The following ATP13A4 variants were observed in gnomAD, a reference collection of about 807,000 sequenced individuals.
ATP13A4 encodes the protein ATPase 13A4.
A neutral mutation model predicts 142.5 loss-of-function variants in ATP13A4; 114 were observed. The ratio of observed to expected loss-of-function variants is 0.80; its 90% CI spans 0.69 to 0.93. ATP13A4 has a LOEUF of 0.93. ATP13A4 is among the 40% of genes least tolerant of loss of function. The pLI is 0.00. For synonymous variants in ATP13A4, 488 were observed against 514.8 expected, an observed-to-expected ratio of 0.95 and a Z score of 0.70; for missense variants, 1,392 against 1,454.0, an observed-to-expected ratio of 0.96 and a Z score of 0.69.
chr3:193,487,145 T>C (rs867461172), intron 7 of ATP13A4, among the ~76,000 whole-genome samples: 101 of 152,274 alleles, frequency 6.6e-4, no homozygotes, highest in African/African-American at 2.2e-3. Context: ...GAGAGTGTGT[T>C]GTCCCTGAAG....
chr3:193,417,860 C>A, intron 25 of ATP13A4, among the ~76,000 whole-genome samples: 1 of 146,236 alleles, frequency 6.8e-6, no homozygotes, highest in African/African-American at 2.6e-5. Context: ...CGGTGGCTCA[C>A]GCCTGTAATC....
At chr3:193,539,071 G>A (rs1245972893) in intron 1 of ATP13A4, among the ~76,000 whole-genome samples, 1 of 151,840 alleles carries the variant, frequency 6.6e-6, no homozygotes, top group Non-Finnish European at 1.5e-5. Flanking sequence ...CAGGGTTTCT[G>A]CATGTTGGTC....
Position 193,485,271 on chromosome 3 carries a change from AAGCAGCAGTTACACGTACAGGTAG to A in ATP13A4, c.739-1290_739-1267del, listed in dbSNP as rs1430561255. On this transcript the variant is annotated intron_variant, in intron 7 of 29. Coordinates refer to ENST00000342695, the MANE Select transcript of ATP13A4 (RefSeq NM_032279.4). ...GAATGAAGGCAGGAGAAATAAGTCAAAGCAGCAGTTACACGTACAGGTAGAGCAGCAGTTACACGTACAGGTGGA... is the reference window on the plus strand; with the variant it reads ...GAATGAAGGCAGGAGAAATAAGTCAAAGCAGCAGTTACACGTACAGGTGGA... Among the ~76,000 whole-genome samples, 508 of 152,280 alleles carry A rather than the reference AAGCAGCAGTTACACGTACAGGTAG, an allele frequency of 3.3e-3. 6 individuals carry two copies. Among genetic ancestry groups the A allele is most frequent in the Middle Eastern group, 0.02 (6 of 294 alleles).
intron 23 of ATP13A4, among the ~76,000 whole-genome samples, chr3:193,437,608 A>T (rs1365449187): frequency 6.6e-6 from 1 of 152,188 alleles, no homozygotes; most frequent in Non-Finnish European, 1.5e-5. Flanking sequence ...TTGTTAAAAA[A>T]ATAGCCATTC....
intron 1 of ATP13A4, among the ~76,000 whole-genome samples, chr3:193,539,801 T>C (rs1722787356): frequency 6.6e-6 from 1 of 152,218 alleles, no homozygotes; most frequent in Admixed American, 6.5e-5. Flanking sequence ...GTATAGGACG[T>C]AGTAGTTAGT....
At chr3:193,439,123 A>C (rs1330677252) in intron 21 of ATP13A4, 58 bp from the exon 22 acceptor site, 2 of 1,501,244 alleles carry the variant, frequency 1.3e-6, no homozygotes, top group Non-Finnish European at 1.9e-6. Context: ...TAATTTCTCT[A>C]ATTAAAAAAA....
At chr3:193,490,274 C>G (rs1719874946) in intron 6 of ATP13A4, among the ~76,000 whole-genome samples, 1 of 152,160 alleles carries the variant, frequency 6.6e-6, no homozygotes, top group Non-Finnish European at 1.5e-5. Context: ...ACATGTCGGC[C>G]ATCACAATAG....
chr3:193,463,208 T>C (rs1469036449), intron 12 of ATP13A4, among the ~76,000 whole-genome samples: 2 of 151,932 alleles, frequency 1.3e-5, no homozygotes, highest in African/African-American at 4.8e-5. Context: ...GTGTCCTCCA[T>C]AACAACAACA....
chr3:193,447,045 G>A (rs1031715980), intron 18 of ATP13A4, among the ~76,000 whole-genome samples: 5 of 152,102 alleles, frequency 3.3e-5, no homozygotes, highest in South Asian at 2.1e-4. Flanking sequence ...ATACTTCAGC[G>A]AAAAAAATTT....
intron 3 of ATP13A4, among the ~76,000 whole-genome samples, chr3:193,495,028 T>G (rs188418722): frequency 1.3e-5 from 2 of 152,170 alleles, no homozygotes; most frequent in African/African-American, 4.8e-5. Flanking sequence ...CCTGGACACA[T>G]GTAAGCTACC....
At chr3:193,439,544 T>C (rs1334117358) in intron 21 of ATP13A4, among the ~76,000 whole-genome samples, 1 of 152,184 alleles carries the variant, frequency 6.6e-6, no homozygotes, top group Non-Finnish European at 1.5e-5. Flanking sequence ...AAGTCATAGT[T>C]GTTTGTGCTG....
At chr3:193,477,474 A>C (rs937038038) in intron 8 of ATP13A4, among the ~76,000 whole-genome samples, 13 of 152,218 alleles carry the variant, frequency 8.5e-5, no homozygotes, top group Middle Eastern at 6.8e-3. Flanking sequence ...AAAAATGACC[A>C]ATTATATTTT....
chr3:193,559,960 G>C (rs190667458), upstream of ATP13A4, among the ~76,000 whole-genome samples: 2 of 152,286 alleles, frequency 1.3e-5, no homozygotes, highest in Admixed American at 1.3e-4. Context: ...CTTCATGTCA[G>C]TGTACTTAAT....
chr3:193,439,767 T>C (rs2108621657), intron 21 of ATP13A4, among the ~76,000 whole-genome samples: 1 of 152,352 alleles, frequency 6.6e-6, no homozygotes, highest in African/African-American at 2.4e-5. Context: ...AAACATGCTA[T>C]ACTTTTCTTC....
chr3:193,505,163 T>C (rs1489380368), intron 2 of ATP13A4, among the ~76,000 whole-genome samples: 1 of 152,166 alleles, frequency 6.6e-6, no homozygotes, highest in African/African-American at 2.4e-5. Context: ...ATGGTGTCTA[T>C]GGCTTGCATG....
chr3:193,439,587 C>T (rs142499365), intron 21 of ATP13A4, among the ~76,000 whole-genome samples: 114 of 152,274 alleles, frequency 7.5e-4, no homozygotes, highest in African/African-American at 2.6e-3. Context: ...TCCATCCTGT[C>T]AACAGTCACT....
At chr3:193,550,491 A>G (rs1723490812) in intron 1 of ATP13A4, among the ~76,000 whole-genome samples, 1 of 152,012 alleles carries the variant, frequency 6.6e-6, no homozygotes, top group South Asian at 2.1e-4. Context: ...GTATTTTTAT[A>G]GACAGGGTTT....
intron 11 of ATP13A4, among the ~76,000 whole-genome samples, chr3:193,465,591 C>CA (rs1165020817): frequency 9.0e-6 from 1 of 110,806 alleles, no homozygotes; most frequent in East Asian, 2.6e-4. Flanking sequence ...CACCAAATAG[C>CA]AATAAAAAAC....
intron 2 of ATP13A4, among the ~76,000 whole-genome samples, chr3:193,563,108 A>T (rs1724053735): frequency 6.6e-6 from 1 of 152,212 alleles, no homozygotes; most frequent in South Asian, 2.1e-4. Context: ...GGGAAAAAAT[A>T]GTGTTAGAAG....
Sources: allele counts gnomAD v4.1 joint callset (sites outside exome capture counted in the v4.1 genomes callset), GRCh38; gene constraint gnomAD v4.1.1; transcripts MANE v1.5; gene names NCBI Gene and HGNC (gene_info 2026-07-23, HGNC 2026-07-21).